COL13A1: variants seen among roughly 807,000 people sequenced by gnomAD.
COL13A1 encodes the protein collagen alpha-1(XIII) chain.
Under a neutral mutation model 130.9 loss-of-function variants are expected in COL13A1, and 89 were observed. The observed-to-expected ratio is 0.68, with a 90% confidence interval of 0.57 to 0.81. The LOEUF is 0.81. Among genes scored for constraint, COL13A1 ranks in the 30% least tolerant of loss-of-function variants. COL13A1 has a pLI of 0.00. For missense variants in COL13A1, 879 were observed against 934.6 expected, an observed-to-expected ratio of 0.94 and a Z score of 0.78; for synonymous variants, 402 against 341.6, an observed-to-expected ratio of 1.18 and a Z score of -1.95.
At chr10:69,936,907 T>C (rs2067001745) in intron 33 of COL13A1, 125 bp downstream of exon 33, 1 of 1,097,370 alleles carries the variant, frequency 9.1e-7, no homozygotes, top group African/African-American at 1.6e-5. Context: ...GGGGGTCCAG[T>C]CAGGGCAGGA....
chr10:69,822,487 C>T, intron 2 of COL13A1, 49 bp downstream of exon 2: 1 of 1,404,504 alleles, frequency 7.1e-7, no homozygotes, highest in Non-Finnish European at 9.5e-7. Flanking sequence ...AAGACTGAGA[C>T]CAGAGGCTCT....
intron 7 of COL13A1, among the ~76,000 whole-genome samples, chr10:69,884,463 A>G (rs1341499006): frequency 6.6e-6 from 1 of 152,180 alleles, no homozygotes; most frequent in Non-Finnish European, 1.5e-5. Flanking sequence ...TCAAGGGTCA[A>G]ATAAGAGAAG....
In COL13A1 at chr10:69,841,394, T is replaced by A. The variant is rs12259054; in HGVS notation, c.364+18956T>A. The stretch of plus-strand genomic sequence containing the variant: ...GGACTAGTTTCACATCTGTCTCCCC[T>A]CTGGACAGTTAGCTCTGTGTCTTCC... On this transcript the variant is annotated intron_variant, in intron 2 of 40. Coordinates refer to ENST00000645393, the MANE Select transcript of COL13A1 (RefSeq NM_001368882.1). 2.0e-5 allele frequency among the ~76,000 whole-genome samples: 3 copies of A among 152,012 alleles called. 1 individual carries two copies. The highest frequency in any genetic ancestry group is 2.1e-4 in the South Asian group (1 of 4,824).
At chr10:69,868,350 C>T (rs538233216) in intron 3 of COL13A1, among the ~76,000 whole-genome samples, 4 of 151,962 alleles carry the variant, frequency 2.6e-5, no homozygotes, top group Non-Finnish European at 5.9e-5. Context: ...CGGTGTCAGC[C>T]GGTTAGACTG....
chr10:69,807,778 G>A (rs1407169831), intron 1 of COL13A1, among the ~76,000 whole-genome samples: 2 of 152,154 alleles, frequency 1.3e-5, no homozygotes, highest in African/African-American at 4.8e-5. Context: ...GGAGTCAGGG[G>A]TGGGATCCAG....
chr10:69,802,149 T>C lies in COL13A1; in HGVS notation c.-275T>C. 1 of 407,146 alleles carries C rather than the reference T, an allele frequency of 2.5e-6. No homozygotes were observed. The highest frequency in any genetic ancestry group is 4.3e-6 in the Non-Finnish European group (1 of 232,718). 25.2% of individuals were successfully genotyped at this position (407,146 alleles called of 1,614,324 possible). On this transcript the variant is annotated 5_prime_UTR_variant, in exon 1 of 41. Coordinates refer to ENST00000645393, the MANE Select transcript of COL13A1 (RefSeq NM_001368882.1). ...ACTGGGCGGAGAGAAGGAGAGCCGG[T>C]CAGATTCCCCTAACTTTCCTGGACT...
intron 15 of COL13A1, among the ~76,000 whole-genome samples, chr10:69,904,163 G>C (rs2062485560): frequency 6.6e-6 from 1 of 152,130 alleles, no homozygotes; most frequent in Non-Finnish European, 1.5e-5. Context: ...ACTAAGGCAA[G>C]AAAACCAAAA....
chr10:69,912,093 C>G (rs1032808406), intron 17 of COL13A1, among the ~76,000 whole-genome samples: 11 of 152,220 alleles, frequency 7.2e-5, no homozygotes, highest in African/African-American at 2.7e-4. Flanking sequence ...AAGATCTGGG[C>G]CTCTGATCTG....
At chr10:69,904,892 C>T in intron 15 of COL13A1, 41 bp from the exon 16 acceptor site, 1 of 1,537,888 alleles carries the variant, frequency 6.5e-7, no homozygotes, top group Non-Finnish European at 8.7e-7. Context: ...GCTCTACTCA[C>T]CTTTTCTTTT....
intron 21 of COL13A1, among the ~76,000 whole-genome samples, chr10:69,920,277 G>T (rs1206153978): frequency 3.3e-5 from 5 of 152,224 alleles, no homozygotes; most frequent in Non-Finnish European, 5.9e-5. Context: ...CAAATTATAA[G>T]CCCAGAGCCC....
chr10:69,871,394 C>T (rs1012708249), intron 3 of COL13A1, among the ~76,000 whole-genome samples: 1 of 152,162 alleles, frequency 6.6e-6, no homozygotes, highest in Non-Finnish European at 1.5e-5. Flanking sequence ...CAGGAGCTCA[C>T]ATTTTAGTGC....
chr10:69,918,715 G>GA (rs1434591560), intron 19 of COL13A1, among the ~76,000 whole-genome samples: 1 of 152,152 alleles, frequency 6.6e-6, no homozygotes, highest in Non-Finnish European at 1.5e-5. Context: ...GGACAGCCTG[G>GA]AAAAACAAGT....
At chr10:69,905,688 T>A in intron 16 of COL13A1, 99 bp from the exon 17 acceptor site, 1 of 1,355,640 alleles carries the variant, frequency 7.4e-7, no homozygotes, top group South Asian at 1.2e-5. Flanking sequence ...GAACTTGGAG[T>A]CATCGAGAGG....
intron 2 of COL13A1, among the ~76,000 whole-genome samples, chr10:69,825,833 T>A (rs1847352040): frequency 6.6e-6 from 1 of 152,144 alleles, no homozygotes; most frequent in African/African-American, 2.4e-5. Flanking sequence ...CCTCCTGGGA[T>A]CCTCCCTGTC....
At position 69,877,941 on chromosome 10, in the gene COL13A1, G is replaced by A. The variant is rs1042769489; in HGVS notation, c.436-98G>A. Reference sequence around the variant, plus strand: ...TTCTTCTGTTTGGTTGTTGTGCTATGAACATGGATTCTCGTGTGGGTGCCT... The same window carrying A: ...TTCTTCTGTTTGGTTGTTGTGCTATAAACATGGATTCTCGTGTGGGTGCCT... On this transcript the variant is annotated intron_variant, in intron 5 of 40. Coordinates refer to ENST00000645393, the MANE Select transcript of COL13A1 (RefSeq NM_001368882.1). The A allele has an allele frequency of 8.8e-6, 6 of 683,678 alleles. No homozygotes were observed. The South Asian group carries it at 9.0e-5, about 10-fold the overall frequency. The allele number at this position is 683,678 out of a possible 1,614,324, so 42.4% of individuals were successfully genotyped here.
At chr10:69,814,423 C>T (rs1161685751) in intron 1 of COL13A1, among the ~76,000 whole-genome samples, 1 of 152,218 alleles carries the variant, frequency 6.6e-6, no homozygotes, top group African/African-American at 2.4e-5. Context: ...AGCCTTATTA[C>T]AGCAGGTGGG....
chr10:69,897,597 AC>A, intron 13 of COL13A1: 1 of 1,554,676 alleles, frequency 6.4e-7, no homozygotes, highest in African/African-American at 1.4e-5. Flanking sequence ...ATACAGCCCA[AC>A]ATTGCACATC....
chr10:69,872,010 T>C (rs1564905663), intron 3 of COL13A1, among the ~76,000 whole-genome samples, 174 bp from the exon 4 acceptor site: 1 of 152,208 alleles, frequency 6.6e-6, no homozygotes, highest in Admixed American at 6.5e-5. Context: ...GAGCCAGAAC[T>C]GGAAGGAAGC....
intron 2 of COL13A1, among the ~76,000 whole-genome samples, chr10:69,844,575 C>A (rs1852492271): frequency 6.6e-6 from 1 of 152,186 alleles, no homozygotes; most frequent in Non-Finnish European, 1.5e-5. Context: ...AGAGTTAATA[C>A]AGTGGCATGT....
Sources: gnomAD v4.1 joint callset for allele counts (sites outside exome capture counted in the v4.1 genomes callset) on GRCh38, gnomAD v4.1.1 for gene constraint, MANE v1.5 for transcripts, NCBI Gene and HGNC (gene_info 2026-07-23, HGNC 2026-07-21) for gene names.